Variants in LGR6 observed in about 807,000 individuals in gnomAD.
LGR6 encodes leucine-rich repeat-containing G protein-coupled receptor 6.
In LGR6, 45 loss-of-function variants were observed where a neutral mutation model predicts 69.4. That is an observed-to-expected ratio of 0.65 (90% CI 0.51 to 0.83). The LOEUF (loss-of-function observed/expected upper bound fraction) is 0.83. Ranked by LOEUF, LGR6 falls within the 40% of genes least tolerant of loss-of-function variation. LGR6 has a pLI of 0.00. For synonymous variants in LGR6, 538 were observed against 555.0 expected (o/e 0.97, Z 0.43); for missense variants, 1,108 against 1,246.7 (o/e 0.89, Z 1.68).
At chr1:202,290,142 C>G (rs962984822) in intron 6 of LGR6, among the ~76,000 whole-genome samples, 10 of 152,246 alleles carry the variant, frequency 6.6e-5, no homozygotes, top group African/African-American at 2.2e-4. Flanking sequence ...TGAACATCTA[C>G]TCTGTGCTAG....
chr1:202,265,082 A>G (rs1664537407), intron 4 of LGR6, among the ~76,000 whole-genome samples: 1 of 152,172 alleles, frequency 6.6e-6, no homozygotes, highest in Non-Finnish European at 1.5e-5. Flanking sequence ...CCCCTGGGTG[A>G]GGAGAGAGAG....
Position 202,193,979 on chromosome 1 carries a change from C to T in LGR6, c.-11C>T. On this transcript the variant is annotated 5_prime_UTR_variant, in exon 1 of 18. Coordinates refer to ENST00000367278, the MANE Select transcript of LGR6 (RefSeq NM_001017403.2). Reference sequence around the variant, plus strand: ...CCGGCCGCCAGGTGCCCCAGTAGCCCGACCGCCGAGATGCCCAGCCCGCCG... The same window carrying T: ...CCGGCCGCCAGGTGCCCCAGTAGCCTGACCGCCGAGATGCCCAGCCCGCCG... 1 of 1,360,834 alleles carries T rather than the reference C, an allele frequency of 7.3e-7. No homozygotes were observed. The highest frequency in any genetic ancestry group is 9.5e-7 in the Non-Finnish European group (1 of 1,057,670). The allele number at this position is 1,360,834 out of a possible 1,614,324, so 84.3% of individuals were successfully genotyped here. A position where few individuals can be genotyped will look rare whatever the true frequency, so the allele number is the denominator to read the frequency against.
In LGR6 at chr1:202,318,547, C is replaced by G. The variant is rs151180391; in HGVS notation, c.2244C>G (p.Ala748=). 4 of 1,614,082 alleles carry G rather than the reference C, an allele frequency of 2.5e-6. No homozygotes were observed. Among genetic ancestry groups the G allele is most frequent in the Admixed American group, 3.3e-5 (2 of 60,036 alleles). Residue 748 remains alanine, a synonymous_variant, in exon 18 of 18, where the codon GCC becomes GCG. Transcript: ENST00000367278. ...ACTCCTTCTGTTTCCTGGTCGTGGC[C>G]GGTGCCTACATCAAACTGTACTGTG... ...MMNSFCFLVV[A]GAYIKLYCDL... is the part of the protein sequence containing the mutation.
Position 202,237,432 on chromosome 1 carries a change from C to A in LGR6, c.428+1439C>A, listed in dbSNP as rs142123329. Among the ~76,000 whole-genome samples, 764 of 152,362 alleles carry A rather than the reference C, an allele frequency of 5.0e-3. 7 individuals carry two copies. Among genetic ancestry groups the A allele is most frequent in the African/African-American group, 0.017 (726 of 41,586 alleles). ...GAGTGAGGAGAATTTGACATTTCAT[C>A]CACAGCCTCAAAGAGGACTTCATAG... On this transcript the variant is annotated intron_variant, in intron 4 of 17. Transcript: ENST00000367278.
At chr1:202,231,496 T>C (rs960211530) in intron 3 of LGR6, among the ~76,000 whole-genome samples, 9 of 152,180 alleles carry the variant, frequency 5.9e-5, no homozygotes, top group Admixed American at 3.9e-4. Flanking sequence ...GTGGATCTCA[T>C]GTGCAGTCAG....
At chr1:202,207,231 T>G (rs1452811283) in intron 1 of LGR6, among the ~76,000 whole-genome samples, 1 of 152,184 alleles carries the variant, frequency 6.6e-6, no homozygotes, top group Non-Finnish European at 1.5e-5. Context: ...CTGCAAATTA[T>G]GGAGCCCTTT....
In LGR6 at chr1:202,319,271, G is replaced by T. The variant is rs564732549; in HGVS notation, c.*64G>T. On this transcript the variant is annotated 3_prime_UTR_variant, in exon 18 of 18. Coordinates refer to ENST00000367278, the MANE Select transcript of LGR6 (RefSeq NM_001017403.2). ...TCCTCTCTCCCCCTCGGTGAATGAT[G>T]GCTGCTTCTAAAACAAATACAACCA... 2.1e-6 allele frequency: 3 copies of T among 1,461,178 alleles called. No individual in the cohort carries two copies. The highest frequency in any genetic ancestry group is 2.7e-6 in the Non-Finnish European group (3 of 1,099,108). The allele number at this position is 1,461,178 out of a possible 1,614,324, so 90.5% of individuals were successfully genotyped here.
chr1:202,243,794 G>A (rs1662405265), intron 4 of LGR6, among the ~76,000 whole-genome samples: 1 of 152,176 alleles, frequency 6.6e-6, no homozygotes, highest in South Asian at 2.1e-4. Flanking sequence ...CATGAATTTG[G>A]AGATTTTTCT....
chr1:202,252,616 A>G (rs1663363682), intron 4 of LGR6, among the ~76,000 whole-genome samples: 1 of 152,210 alleles, frequency 6.6e-6, no homozygotes, highest in African/African-American at 2.4e-5. Flanking sequence ...AGAACCTGAC[A>G]AGAATTCAGG....
chr1:202,249,683 C>T (rs954924304), intron 4 of LGR6, among the ~76,000 whole-genome samples: 8 of 152,180 alleles, frequency 5.3e-5, no homozygotes, highest in African/African-American at 1.9e-4. Flanking sequence ...GGGTGTCATC[C>T]TTAACTCTTT....
At chr1:202,206,760 G>GGA (rs1558006038) in intron 1 of LGR6, among the ~76,000 whole-genome samples, 2 of 151,856 alleles carry the variant, frequency 1.3e-5, no homozygotes, top group Non-Finnish European at 1.5e-5. Context: ...ACTTATAATG[G>GGA]GATCTCACTA....
chr1:202,249,156 T>TC (rs1375473871), intron 4 of LGR6, among the ~76,000 whole-genome samples: 1 of 152,196 alleles, frequency 6.6e-6, no homozygotes, highest in Non-Finnish European at 1.5e-5. Flanking sequence ...ACCAGTGGTG[T>TC]CCATCAGTTC....
rs898533896 is a variant in LGR6 at position 202,220,612 on chromosome 1, G to T, written c.213-4811G>T. On this transcript the variant is annotated intron_variant, in intron 1 of 17. Coordinates refer to ENST00000367278, the MANE Select transcript of LGR6 (RefSeq NM_001017403.2). Reference sequence around the variant, plus strand: ...AGAGATGGGAAGTGACATGACCAGGGTCACACAGCTAGTGAGTGTTGTCCT... The same window carrying T: ...AGAGATGGGAAGTGACATGACCAGGTTCACACAGCTAGTGAGTGTTGTCCT... 2.0e-5 allele frequency among the ~76,000 whole-genome samples: 3 copies of T among 152,214 alleles called. 1 individual carries two copies. The highest frequency in any genetic ancestry group is 2.0e-4 in the Admixed American group (3 of 15,280).
At chr1:202,258,451 C>T (rs1046308684) in intron 4 of LGR6, among the ~76,000 whole-genome samples, 2 of 151,862 alleles carry the variant, frequency 1.3e-5, no homozygotes, top group Non-Finnish European at 2.9e-5. Flanking sequence ...TTTATTATTT[C>T]TCTTAATTCA....
At chr1:202,307,010 AT>A (rs1302031391) in intron 13 of LGR6, 71 bp downstream of exon 13, 1 of 1,310,770 alleles carries the variant, frequency 7.6e-7, no homozygotes, top group Non-Finnish European at 1.1e-6. Flanking sequence ...GCTCATTGTC[AT>A]AGCACATGTG....
chr1:202,253,771 G>A (rs1663501099), intron 4 of LGR6, among the ~76,000 whole-genome samples: 1 of 147,010 alleles, frequency 6.8e-6, no homozygotes, highest in Admixed American at 6.9e-5. Flanking sequence ...TGGGACTACA[G>A]GCATATGCCA....
chr1:202,205,550 CAT>C lies in LGR6; in HGVS notation c.212+11352_212+11353del, dbSNP rs1348972638. On this transcript the variant is annotated intron_variant, in intron 1 of 17. Transcript: ENST00000367278. The stretch of plus-strand genomic sequence containing the variant: ...AAGCACACACACACACCTCCAAACA[CAT>C]ATGCACACCTCCTTCAAACATACAC... 1.7e-4 allele frequency among the ~76,000 whole-genome samples: 25 copies of C among 143,300 alleles called. No homozygotes were observed. In the South Asian group the frequency reaches 4.1e-3, roughly 23 times the overall value. The allele number at this position is 143,300 out of a possible 152,430, so 94.0% of individuals were successfully genotyped here.
chr1:202,293,466 C>G (rs1666935550), intron 6 of LGR6, among the ~76,000 whole-genome samples: 3 of 152,060 alleles, frequency 2.0e-5, no homozygotes, highest in Admixed American at 1.3e-4. Flanking sequence ...CAAAGATGCT[C>G]TTTCATTATC....
At chr1:202,205,119 TAACACACCTCC>T in intron 1 of LGR6, among the ~76,000 whole-genome samples, 1 of 35,300 alleles carries the variant, frequency 2.8e-5, no homozygotes, top group Non-Finnish European at 5.0e-5. Flanking sequence ...AACACACACC[TAACACACCTCC>T]TTCAAACACA....
Sources: gnomAD v4.1 joint callset for allele counts (sites outside exome capture counted in the v4.1 genomes callset) on GRCh38, gnomAD v4.1.1 for gene constraint, MANE v1.5 for transcripts, NCBI Gene and HGNC (gene_info 2026-07-23, HGNC 2026-07-21) for gene names.